RORA: variants seen among roughly 807,000 people sequenced by gnomAD.
RORA encodes the protein RAR related orphan receptor A, also known as nuclear receptor ROR-alpha.
A neutral mutation model predicts 69.5 loss-of-function variants in RORA; 7 were observed. The observed-to-expected ratio is 0.10, with a 90% CI of 0.06 to 0.19. The LOEUF is 0.19. Ranked by LOEUF, RORA falls within the 10% of genes least tolerant of loss-of-function variation. The probability of loss-of-function intolerance (pLI) is 1.00; values close to 1 mark genes in which losing one functional copy is unlikely to be tolerated. For missense variants in RORA, 457 were observed against 663.0 expected (o/e 0.69, Z 3.41); for synonymous variants, 261 against 240.8 (o/e 1.08, Z -0.78).
intron 1 of RORA, among the ~76,000 whole-genome samples, chr15:60,739,983 C>A (rs996314826): frequency 1.3e-5 from 2 of 152,080 alleles, no homozygotes; most frequent in African/African-American, 4.8e-5. Flanking sequence ...AGGTTCCATC[C>A]AAAGAAAGAG....
intron 1 of RORA, among the ~76,000 whole-genome samples, chr15:61,039,538 G>A (rs1226155438): frequency 2.0e-5 from 3 of 151,962 alleles, no homozygotes; most frequent in Non-Finnish European, 4.4e-5. Flanking sequence ...GAGGTCAGGA[G>A]TTCGAGACCA....
intron 1 of RORA, among the ~76,000 whole-genome samples, chr15:60,690,056 A>C (rs1338701874): frequency 6.6e-6 from 1 of 152,196 alleles, no homozygotes; most frequent in Non-Finnish European, 1.5e-5. Context: ...TTGTTACCAC[A>C]GTTCCATGAA....
At chr15:60,918,022 C>T (rs1809753688) in intron 1 of RORA, among the ~76,000 whole-genome samples, 1 of 152,216 alleles carries the variant, frequency 6.6e-6, no homozygotes, top group African/African-American at 2.4e-5. Flanking sequence ...GAGTTTATAC[C>T]ATGTGTCCCT....
intron 8 of RORA, among the ~76,000 whole-genome samples, chr15:60,502,068 C>G (rs758084336): frequency 5.9e-5 from 9 of 152,202 alleles, no homozygotes; most frequent in Non-Finnish European, 1.0e-4. Context: ...TAAACCTCCA[C>G]CTCCCGGTTT....
intron 1 of RORA, among the ~76,000 whole-genome samples, chr15:60,893,410 T>A (rs11071564): frequency 0.18 from 28,111 of 152,044 alleles, 2,851 homozygotes; most frequent in Middle Eastern, 0.28. Flanking sequence ...TCACTTGGAG[T>A]TTCTCTGAAG....
intron 1 of RORA, among the ~76,000 whole-genome samples, chr15:60,977,941 G>A (rs961637586): frequency 4.6e-5 from 7 of 152,112 alleles, no homozygotes; most frequent in Admixed American, 6.5e-5. Context: ...AAGTTTTCAT[G>A]TGGACATATG....
chr15:60,813,826 TA>T (rs2072775635), intron 1 of RORA, among the ~76,000 whole-genome samples: 2 of 152,236 alleles, frequency 1.3e-5, no homozygotes, highest in African/African-American at 4.8e-5. Flanking sequence ...ATCATAATTT[TA>T]TATAATAGAA....
intron 2 of RORA, among the ~76,000 whole-genome samples, chr15:60,549,151 C>A (rs917366719): frequency 2.0e-5 from 3 of 152,138 alleles, no homozygotes; most frequent in African/African-American, 7.2e-5. Flanking sequence ...CCCAAAGTTA[C>A]GAGAAACAAG....
intron 1 of RORA, among the ~76,000 whole-genome samples, chr15:61,207,657 A>G (rs977258390): frequency 6.6e-6 from 1 of 152,344 alleles, no homozygotes; most frequent in East Asian, 1.9e-4. Flanking sequence ...GCTGAAAAGC[A>G]AAGTATGAGG....
At chr15:60,684,342 A>G (rs2070705568) in intron 1 of RORA, among the ~76,000 whole-genome samples, 1 of 152,214 alleles carries the variant, frequency 6.6e-6, no homozygotes. Context: ...CAGGCTGGTC[A>G]TGGTGGCTCA....
At chr15:60,775,336 G>A (rs1383206955) in intron 1 of RORA, among the ~76,000 whole-genome samples, 2 of 152,086 alleles carry the variant, frequency 1.3e-5, no homozygotes, top group Non-Finnish European at 2.9e-5. Context: ...CTATGTTAAT[G>A]TTGCTAGAAG....
At chr15:60,510,698 A>T (rs1595883048) in intron 5 of RORA, among the ~76,000 whole-genome samples, 1 of 152,230 alleles carries the variant, frequency 6.6e-6, no homozygotes, top group Non-Finnish European at 1.5e-5. Context: ...TGACATTCAC[A>T]AATGTTGGCT....
chr15:60,748,619 G>C (rs1044436587), intron 1 of RORA, among the ~76,000 whole-genome samples: 1 of 152,186 alleles, frequency 6.6e-6, no homozygotes, highest in Non-Finnish European at 1.5e-5. Context: ...TCCTGGTTCA[G>C]TAACTGAGTC....
At position 60,687,076 on chromosome 15, in the gene RORA, A is replaced by G. The variant is rs7180891; in HGVS notation, c.167-8390T>C. On this transcript the variant is annotated intron_variant, in intron 1 of 10. Transcript: ENST00000335670. The stretch of plus-strand genomic sequence containing the variant: ...CACTATGTAATGATGGAAGAAGGAA[A>G]AACCCCATGCATTCACTCATGTCTT... Among the ~76,000 whole-genome samples the G allele has an allele frequency of 3.6e-3, 550 of 152,288 alleles. 4 individuals are homozygous for G. The highest frequency in any genetic ancestry group is 0.013 in the African/African-American group (523 of 41,548).
intron 1 of RORA, among the ~76,000 whole-genome samples, chr15:61,007,964 T>C (rs1894964751): frequency 6.6e-6 from 1 of 151,626 alleles, no homozygotes; most frequent in South Asian, 2.1e-4. Context: ...AAAAAGAGCT[T>C]GTTCGTGTAT....
intron 1 of RORA, among the ~76,000 whole-genome samples, chr15:60,824,349 G>C (rs1393872183): frequency 6.6e-6 from 1 of 152,148 alleles, no homozygotes; most frequent in Non-Finnish European, 1.5e-5. Context: ...GATATGATTT[G>C]GGGGTTCAAA....
At chr15:61,227,606 C>G (rs1314468525) in intron 1 of RORA, among the ~76,000 whole-genome samples, 1 of 152,020 alleles carries the variant, frequency 6.6e-6, no homozygotes, top group Non-Finnish European at 1.5e-5. Flanking sequence ...AAACAGCCAG[C>G]ACATGATCAG....
intron 1 of RORA, 95 bp from the exon 2 acceptor site, chr15:60,678,781 G>C: frequency 1.9e-6 from 2 of 1,031,794 alleles, no homozygotes; most frequent in Non-Finnish European, 3.0e-6. Context: ...AAGGCGTTTA[G>C]TTCAGATGGG....
chr15:60,958,844 C>T (rs905612107), intron 1 of RORA, among the ~76,000 whole-genome samples: 10 of 152,110 alleles, frequency 6.6e-5, no homozygotes, highest in Non-Finnish European at 1.2e-4. Flanking sequence ...CAATCTGAGA[C>T]GTCCACTCAG....
Sources: gnomAD v4.1 joint callset for allele counts (sites outside exome capture counted in the v4.1 genomes callset) on GRCh38, gnomAD v4.1.1 for gene constraint, MANE v1.5 for transcripts, NCBI Gene and HGNC (gene_info 2026-07-23, HGNC 2026-07-21) for gene names.